The following RANBP2 variants were observed in gnomAD, a reference collection of about 807,000 sequenced individuals.
The protein encoded by RANBP2 is RAN binding protein 2, also known as E3 SUMO-protein ligase RanBP2.
In RANBP2, 57 loss-of-function variants were observed where a neutral mutation model predicts 303.6. That is an observed-to-expected ratio of 0.19 (90% CI 0.15 to 0.23). The LOEUF is 0.23. RANBP2 is among the 10% of genes least tolerant of loss of function. RANBP2 has a pLI of 1.00. For missense variants in RANBP2, 3,138 were observed against 3,780.8 expected, an observed-to-expected ratio of 0.83 and a Z score of 4.46; for synonymous variants, 1,167 against 1,301.5, an observed-to-expected ratio of 0.90 and a Z score of 2.23.
chr2:109,485,026 T>A, the RANBP2 span, among the ~76,000 whole-genome samples: 1 of 152,250 alleles, frequency 6.6e-6, no homozygotes, highest in Non-Finnish European at 1.5e-5. Context: ...AAATAGTACG[T>A]AACCCATCAG....
At chr2:108,827,576 G>A in the RANBP2 span, among the ~76,000 whole-genome samples, 21 of 151,260 alleles carry the variant, frequency 1.4e-4, no homozygotes, top group Admixed American at 4.0e-4. Flanking sequence ...CAGCACTTTG[G>A]GAGGCCAAGG....
chr2:109,305,972 T>C, the RANBP2 span, among the ~76,000 whole-genome samples: 2 of 152,186 alleles, frequency 1.3e-5, no homozygotes, highest in Non-Finnish European at 1.5e-5. Flanking sequence ...AGCACGGTAT[T>C]TAGTGAGCAC....
chr2:109,210,626 TG>T, the RANBP2 span, among the ~76,000 whole-genome samples: 1 of 152,094 alleles, frequency 6.6e-6, no homozygotes, highest in Admixed American at 6.5e-5. Context: ...TGCCTGGGCC[TG>T]GTGGGGCCTG....
At chr2:109,431,959 TA>T in the RANBP2 span, among the ~76,000 whole-genome samples, 2 of 152,106 alleles carry the variant, frequency 1.3e-5, no homozygotes, top group Non-Finnish European at 2.9e-5. Context: ...ACCTTTCCCT[TA>T]AAAAGGGCCT....
chr2:109,221,351 G>A, the RANBP2 span, among the ~76,000 whole-genome samples: 1 of 152,162 alleles, frequency 6.6e-6, no homozygotes, highest in Non-Finnish European at 1.5e-5. Context: ...GGGAGGCTGA[G>A]ACAGGCAGAT....
the RANBP2 span, among the ~76,000 whole-genome samples, chr2:109,108,775 A>C: frequency 1.3e-5 from 2 of 152,294 alleles, no homozygotes; most frequent in South Asian, 2.1e-4. Context: ...CGGTCCCCCA[A>C]AGCCCCTGTG....
the RANBP2 span, among the ~76,000 whole-genome samples, chr2:109,636,385 T>A: frequency 6.6e-6 from 1 of 152,280 alleles, no homozygotes; most frequent in African/African-American, 2.4e-5. Context: ...AACACATTAC[T>A]TCTATGAAAT....
chr2:109,463,666 G>A, the RANBP2 span, among the ~76,000 whole-genome samples: 1 of 151,980 alleles, frequency 6.6e-6, no homozygotes, highest in Non-Finnish European at 1.5e-5. Context: ...GCTCACAAAA[G>A]AGGAGATGTT....
the RANBP2 span, among the ~76,000 whole-genome samples, chr2:109,028,632 G>A: frequency 6.6e-6 from 1 of 152,284 alleles, no homozygotes; most frequent in African/African-American, 2.4e-5. Flanking sequence ...TCACTTAGAG[G>A]AGTGCTCTGA....
chr2:109,155,282 A>G, the RANBP2 span, among the ~76,000 whole-genome samples: 2 of 152,246 alleles, frequency 1.3e-5, no homozygotes, highest in South Asian at 4.2e-4. Flanking sequence ...AAGTGATTAT[A>G]GAGTTGGAAG....
At chr2:109,037,323 C>CAAAAAAAA in the RANBP2 span, among the ~76,000 whole-genome samples, 2 of 54,326 alleles carry the variant, frequency 3.7e-5, no homozygotes, top group Admixed American at 2.1e-4. Context: ...GACCATGTCT[C>CAAAAAAAA]AAAAAAAAAA....
At chr2:109,610,165 T>G in the RANBP2 span, among the ~76,000 whole-genome samples, 1 of 151,948 alleles carries the variant, frequency 6.6e-6, no homozygotes, top group Non-Finnish European at 1.5e-5. Flanking sequence ...CTCAGCTTAC[T>G]GCAACCTCCA....
At chr2:109,614,018 C>T in the RANBP2 span, 1 of 1,204,506 alleles carries the variant, frequency 8.3e-7, no homozygotes. Context: ...GGGGCGGACG[C>T]CCTGTGGTGC....
chr2:108,738,770 A>C (rs1322588319), intron 6 of RANBP2, among the ~76,000 whole-genome samples: 1 of 151,438 alleles, frequency 6.6e-6, no homozygotes. Flanking sequence ...CTGGAATTAC[A>C]GGTGCCTACC....
chr2:109,597,880 T>TA, the RANBP2 span, among the ~76,000 whole-genome samples: 1 of 152,206 alleles, frequency 6.6e-6, no homozygotes, highest in Admixed American at 6.5e-5. Context: ...CCTTGGGAAA[T>TA]ATGGCCTTTT....
chr2:109,581,418 CAG>C, the RANBP2 span, among the ~76,000 whole-genome samples: 33 of 148,856 alleles, frequency 2.2e-4, 1 homozygote, highest in East Asian at 5.9e-3. Flanking sequence ...GCCTAGGCGA[CAG>C]AGTGAGACCC....
the RANBP2 span, among the ~76,000 whole-genome samples, chr2:109,535,055 T>C: frequency 1.3e-5 from 2 of 152,160 alleles, no homozygotes; most frequent in Non-Finnish European, 1.5e-5. Context: ...AGGTGCACTG[T>C]TTAATTTCTT....
At chr2:108,974,863 C>T in the RANBP2 span, among the ~76,000 whole-genome samples, 1 of 152,234 alleles carries the variant, frequency 6.6e-6, no homozygotes, top group Non-Finnish European at 1.5e-5. Context: ...CGAGCTGCCT[C>T]ACCAGGCCTG....
the RANBP2 span, among the ~76,000 whole-genome samples, chr2:109,726,179 C>T: frequency 6.6e-6 from 1 of 151,352 alleles, no homozygotes; most frequent in Non-Finnish European, 1.5e-5. Context: ...GAGGCTGACG[C>T]AGGCGGATCA....
Sources: allele counts gnomAD v4.1 joint callset (sites outside exome capture counted in the v4.1 genomes callset), GRCh38; gene constraint gnomAD v4.1.1; transcripts MANE v1.5; gene names NCBI Gene and HGNC (gene_info 2026-07-23, HGNC 2026-07-21).